CFAP58: variants seen among roughly 807,000 people sequenced by gnomAD.
CFAP58 encodes cilia- and flagella-associated protein 58.
A neutral mutation model predicts 119.5 loss-of-function variants in CFAP58; 88 were observed. The ratio of observed to expected loss-of-function variants is 0.74; its 90% confidence interval spans 0.62 to 0.88. CFAP58 has a LOEUF of 0.88. Among genes scored for constraint, CFAP58 ranks in the 40% least tolerant of loss-of-function variants. CFAP58 has a pLI of 0.00. For synonymous variants in CFAP58, 365 were observed against 366.3 expected, an observed-to-expected ratio of 1.00 and a Z score of 0.04; for missense variants, 990 against 1,021.2, an observed-to-expected ratio of 0.97 and a Z score of 0.42.
At chr10:104,339,691 CTGGCCCT>C in the CFAP58 span, among the ~76,000 whole-genome samples, 1 of 152,336 alleles carries the variant, frequency 6.6e-6, no homozygotes, top group Admixed American at 6.5e-5. Flanking sequence ...AATAGACTCC[CTGGCCCT>C]TGGCCCAGGG....
At chr10:104,453,341 A>G (rs1232348673) in intron 17 of CFAP58, among the ~76,000 whole-genome samples, 1 of 152,230 alleles carries the variant, frequency 6.6e-6, no homozygotes, top group Non-Finnish European at 1.5e-5. Context: ...GTTGGTTACC[A>G]ATCCTCTACA....
intron 15 of CFAP58, among the ~76,000 whole-genome samples, chr10:104,433,697 G>T (rs78020098): frequency 6.6e-6 from 1 of 152,290 alleles, no homozygotes; most frequent in African/African-American, 2.4e-5. Flanking sequence ...CACAAAGTTC[G>T]AATTACTTGG....
chr10:104,426,622 A>G (rs1411133435), intron 15 of CFAP58, among the ~76,000 whole-genome samples: 2 of 152,164 alleles, frequency 1.3e-5, no homozygotes, highest in African/African-American at 4.8e-5. Context: ...ATCACAGGAA[A>G]ACTAGAGACT....
chr10:104,432,023 G>T (rs1447309907), intron 15 of CFAP58, among the ~76,000 whole-genome samples: 1 of 151,908 alleles, frequency 6.6e-6, no homozygotes, highest in African/African-American at 2.4e-5. Flanking sequence ...TGTTTCAGGG[G>T]CATCCCTGTA....
chr10:104,417,502 T>G (rs181706443), intron 15 of CFAP58, among the ~76,000 whole-genome samples: 99 of 152,324 alleles, frequency 6.5e-4, no homozygotes, highest in Non-Finnish European at 7.4e-5. Context: ...AACCAGAATT[T>G]GAGGGATGTT....
At chr10:104,356,961 T>A (rs371718767) in intron 1 of CFAP58, among the ~76,000 whole-genome samples, 1 of 152,230 alleles carries the variant, frequency 6.6e-6, no homozygotes, top group Non-Finnish European at 1.5e-5. Context: ...TTCTTCATTA[T>A]TATGTTGTAG....
At chr10:104,350,839 C>T (rs930152121), upstream of CFAP58, among the ~76,000 whole-genome samples, 3 of 152,130 alleles carry the variant, frequency 2.0e-5, no homozygotes, top group African/African-American at 4.8e-5. Context: ...CCATGCAGTA[C>T]GTTCCTTAAA....
At chr10:104,451,096 T>A (rs1371692791) in intron 17 of CFAP58, among the ~76,000 whole-genome samples, 1 of 152,198 alleles carries the variant, frequency 6.6e-6, no homozygotes, top group Non-Finnish European at 1.5e-5. Context: ...CGAACTAGTT[T>A]TGAAACTTGG....
intron 9 of CFAP58, chr10:104,382,148 G>A (rs2011824509): frequency 4.2e-6 from 3 of 717,222 alleles, no homozygotes; most frequent in South Asian, 3.0e-5. Context: ...AGGATGCCCT[G>A]GCCTCTGGAC....
chr10:104,358,734 T>C, intron 2 of CFAP58, 112 bp downstream of exon 2: 1 of 953,002 alleles, frequency 1.0e-6, no homozygotes, highest in Non-Finnish European at 1.5e-6. Flanking sequence ...ATTTACATGA[T>C]TTTATATTCA....
intron 7 of CFAP58, among the ~76,000 whole-genome samples, chr10:104,376,515 A>AG (rs2011666015): frequency 6.6e-6 from 1 of 150,926 alleles, no homozygotes; most frequent in Admixed American, 6.6e-5. Flanking sequence ...AAAAAAAAAA[A>AG]AAAAAAGAAA....
chr10:104,421,117 C>T (rs375876267), intron 15 of CFAP58, among the ~76,000 whole-genome samples: 1 of 152,020 alleles, frequency 6.6e-6, no homozygotes, highest in African/African-American at 2.4e-5. Flanking sequence ...CGTCAGAAGT[C>T]CACGAAATAG....
In CFAP58 at chr10:104,454,812, A is replaced by G. The variant is rs896124646; in HGVS notation, c.*282A>G. ...ATTGATTGAAATGTACTAGACCTTA[A>G]TTTCTTTATTACAGACATTGGTGTA... On this transcript the variant is annotated 3_prime_UTR_variant, in exon 18 of 18. Transcript: ENST00000369704. 1.6e-5 allele frequency: 5 copies of G among 303,102 alleles called. No individual in the cohort carries two copies. The highest frequency in any genetic ancestry group is 2.4e-5 in the Non-Finnish European group (4 of 166,064). 18.8% of individuals were successfully genotyped at this position (303,102 alleles called of 1,614,324 possible).
intron 17 of CFAP58, 113 bp from the exon 18 acceptor site, chr10:104,454,309 T>C (rs2013242480): frequency 6.0e-6 from 5 of 831,788 alleles, no homozygotes; most frequent in Middle Eastern, 2.2e-4. Flanking sequence ...TGTCTAAAAC[T>C]AGAAGCTGTA....
At chr10:104,362,264 A>G (rs974337139) in intron 3 of CFAP58, 93 bp downstream of exon 3, 4 of 1,050,326 alleles carry the variant, frequency 3.8e-6, no homozygotes, top group East Asian at 5.4e-5. Context: ...CTTCTTGAAC[A>G]TTGTCTGTGA....
chr10:104,386,694 C>G (rs1395653041), intron 9 of CFAP58, among the ~76,000 whole-genome samples: 1 of 152,126 alleles, frequency 6.6e-6, no homozygotes, highest in African/African-American at 2.4e-5. Context: ...TGCTTATTTA[C>G]TAAGTAAATA....
At chr10:104,407,396 G>T (rs1035096486) in intron 15 of CFAP58, among the ~76,000 whole-genome samples, 1 of 152,154 alleles carries the variant, frequency 6.6e-6, no homozygotes, top group Non-Finnish European at 1.5e-5. Flanking sequence ...CCTCTTTGCA[G>T]TTCAGGAAGC....
At chr10:104,349,708 T>C (rs537048079), upstream of CFAP58, among the ~76,000 whole-genome samples, 1 of 152,286 alleles carries the variant, frequency 6.6e-6, no homozygotes, top group South Asian at 2.1e-4. Flanking sequence ...AGCAACTATT[T>C]ACATGACTAG....
chr10:104,399,594 C>A, intron 12 of CFAP58, 94 bp downstream of exon 12: 2 of 1,310,366 alleles, frequency 1.5e-6, no homozygotes, highest in Non-Finnish European at 2.1e-6. Flanking sequence ...TAAGCTCTTC[C>A]AACCAGCCCT....
Sources: gnomAD v4.1 joint callset for allele counts (sites outside exome capture counted in the v4.1 genomes callset) on GRCh38, gnomAD v4.1.1 for gene constraint, MANE v1.5 for transcripts, NCBI Gene and HGNC (gene_info 2026-07-23, HGNC 2026-07-21) for gene names.